ALK: variants seen among roughly 807,000 people sequenced by gnomAD.
ALK encodes the protein ALK receptor tyrosine kinase, also known as ALK tyrosine kinase receptor.
A neutral mutation model predicts 163.1 loss-of-function variants in ALK; 74 were observed. That is an observed-to-expected ratio of 0.45 (90% CI 0.38 to 0.55). The LOEUF is 0.55. Ranked by LOEUF, ALK falls within the 20% of genes least tolerant of loss-of-function variation. The pLI, the probability that ALK is intolerant of heterozygous loss-of-function variation, is 0.00. For synonymous variants in ALK, 960 were observed against 843.2 expected (o/e 1.14, Z -2.40); for missense variants, 2,063 against 2,105.3 (o/e 0.98, Z 0.39).
intron 1 of ALK, among the ~76,000 whole-genome samples, chr2:29,839,071 C>T (rs896585689): frequency 6.6e-6 from 1 of 152,264 alleles, no homozygotes; most frequent in Non-Finnish European, 1.5e-5. Context: ...TAAAGTTACA[C>T]TGATAATTAT....
intron 3 of ALK, among the ~76,000 whole-genome samples, chr2:29,583,035 G>GTTTTTTTTTTTTT (rs10637189): frequency 1.9e-5 from 2 of 108,104 alleles, no homozygotes; most frequent in Admixed American, 8.8e-5. Context: ...GCTAACTTTT[G>GTTTTTTTTTTTTT]TTTTTTGTTT....
Position 29,637,709 on chromosome 2 carries a change from C to CAAAAAAAAAAAAAAAAAAAA in ALK, c.952+57140_952+57141insTTTTTTTTTTTTTTTTTTTT, listed in dbSNP as rs70958274. On this transcript the variant is annotated intron_variant, in intron 3 of 28. Coordinates refer to ENST00000389048, the MANE Select transcript of ALK (RefSeq NM_004304.5). The stretch of plus-strand genomic sequence containing the variant: ...GGGTGACAGAGCAAGACTCCGTCTC[C>CAAAAAAAAAAAAAAAAAAAA]AAAAAAAAAAAAAGAGGACTCTTTG... 1.8e-4 allele frequency among the ~76,000 whole-genome samples: 20 copies of CAAAAAAAAAAAAAAAAAAAA among 112,330 alleles called. 2 individuals carry two copies. Among genetic ancestry groups the CAAAAAAAAAAAAAAAAAAAA allele is most frequent in the African/African-American group, 7.8e-4 (18 of 23,066 alleles). 73.7% of individuals were successfully genotyped at this position (112,330 alleles called of 152,430 possible).
rs200425950 is a variant in ALK at position 29,591,439 on chromosome 2, G to A, written c.953-59323C>T. 2.6e-5 allele frequency among the ~76,000 whole-genome samples: 4 copies of A among 152,224 alleles called. No individual in the cohort carries two copies. In the East Asian group the frequency reaches 7.7e-4, roughly 29 times the overall value. On this transcript the variant is annotated intron_variant, in intron 3 of 28. Transcript: ENST00000389048. ...CAAGGGAAGCACCGAAAGCAAGACAGAGGGCTGGACGTAGGCAAGTGGGCA... is the reference window on the plus strand; with the variant it reads ...CAAGGGAAGCACCGAAAGCAAGACAAAGGGCTGGACGTAGGCAAGTGGGCA...
At chr2:29,621,794 A>G (rs2148229762) in intron 3 of ALK, among the ~76,000 whole-genome samples, 1 of 152,200 alleles carries the variant, frequency 6.6e-6, no homozygotes, top group African/African-American at 2.4e-5. Flanking sequence ...TGAGGGCTGG[A>G]CCTCTTAACC....
chr2:29,675,253 T>C (rs957398287), intron 3 of ALK, among the ~76,000 whole-genome samples: 1 of 152,102 alleles, frequency 6.6e-6, no homozygotes, highest in Non-Finnish European at 1.5e-5. Flanking sequence ...ACATTGCTTT[T>C]GTAATTAAAT....
chr2:29,905,934 G>C (rs1667534941), intron 1 of ALK, among the ~76,000 whole-genome samples: 1 of 152,140 alleles, frequency 6.6e-6, no homozygotes, highest in African/African-American at 2.4e-5. Flanking sequence ...CATGGCCTTG[G>C]ATACATTTGT....
intron 3 of ALK, among the ~76,000 whole-genome samples, chr2:29,649,669 G>A (rs540128557): frequency 2.6e-5 from 4 of 152,242 alleles, no homozygotes; most frequent in Non-Finnish European, 5.9e-5. Flanking sequence ...AGCAGGCTAG[G>A]ACATCTCACT....
intron 8 of ALK, among the ~76,000 whole-genome samples, chr2:29,313,742 A>G (rs1461114787): frequency 2.6e-5 from 4 of 152,106 alleles, no homozygotes; most frequent in African/African-American, 9.7e-5. Flanking sequence ...CTGCTCTGGA[A>G]AACGAGTTGA....
chr2:29,209,643 C>T, intron 25 of ALK, 143 bp downstream of exon 25: 2 of 646,876 alleles, frequency 3.1e-6, no homozygotes, highest in South Asian at 3.7e-5. Flanking sequence ...TTTCCCATAG[C>T]CTGAAAAGGA....
chr2:29,263,288 TAAGA>T (rs911769571), intron 11 of ALK, among the ~76,000 whole-genome samples: 38 of 152,340 alleles, frequency 2.5e-4, no homozygotes, highest in African/African-American at 9.1e-4. Context: ...CACTAGCATC[TAAGA>T]GAGAGGCAAA....
intron 11 of ALK, among the ~76,000 whole-genome samples, chr2:29,268,488 G>A (rs1410284619): frequency 2.0e-5 from 3 of 152,116 alleles, no homozygotes; most frequent in Non-Finnish European, 1.5e-5. Context: ...AGAACACTTT[G>A]GCTCGTTCAC....
intron 1 of ALK, among the ~76,000 whole-genome samples, chr2:29,878,777 T>C (rs1666784556): frequency 6.6e-6 from 1 of 152,016 alleles, no homozygotes; most frequent in African/African-American, 2.4e-5. Context: ...GAGAGCTGGG[T>C]GGGGAGCTGG....
intron 2 of ALK, among the ~76,000 whole-genome samples, chr2:29,713,103 C>T (rs1181229544): frequency 6.6e-6 from 1 of 152,156 alleles, no homozygotes; most frequent in African/African-American, 2.4e-5. Flanking sequence ...CAATGCTGCC[C>T]GCAATCCTTG....
rs929085497 is a variant in ALK, at chr2:29,228,308, C to T, written c.2815+576G>A. Among the ~76,000 whole-genome samples, 14 of 152,348 alleles carry T rather than the reference C, an allele frequency of 9.2e-5. No individual in the cohort carries two copies. In the East Asian group the frequency reaches 1.9e-3, roughly 21 times the overall value. On this transcript the variant is annotated intron_variant, in intron 16 of 28. Coordinates refer to ENST00000389048, the MANE Select transcript of ALK (RefSeq NM_004304.5). ...TAATCTGTGGGGAGCGGGGAGCCAT[C>T]GTCTCCCAGCCTCTCAGCTTCAGAA...
chr2:29,375,410 C>A (rs1450795294), intron 5 of ALK, among the ~76,000 whole-genome samples: 1 of 152,128 alleles, frequency 6.6e-6, no homozygotes, highest in Non-Finnish European at 1.5e-5. Flanking sequence ...GCTCTGCCTC[C>A]CAGGTTCATG....
chr2:29,744,171 G>A (rs1252520477), intron 1 of ALK, among the ~76,000 whole-genome samples: 1 of 152,168 alleles, frequency 6.6e-6, no homozygotes, highest in African/African-American at 2.4e-5. Context: ...CCACACACAG[G>A]AGGAAACTGA....
chr2:29,589,688 G>C (rs1348252908), intron 3 of ALK, among the ~76,000 whole-genome samples: 1 of 152,194 alleles, frequency 6.6e-6, no homozygotes, highest in African/African-American at 2.4e-5. Context: ...ATTGTATAGA[G>C]TTGGGGCCTT....
chr2:29,569,796 G>A (rs76795998), intron 3 of ALK, among the ~76,000 whole-genome samples: 17,504 of 152,180 alleles, frequency 0.12, 1,390 homozygotes, highest in East Asian at 0.33. Flanking sequence ...CTGCTTTCCA[G>A]TTGAAAGTTC....
At chr2:29,397,268 C>T (rs7568934) in intron 4 of ALK, among the ~76,000 whole-genome samples, 7 of 152,088 alleles carry the variant, frequency 4.6e-5, no homozygotes, top group Non-Finnish European at 1.0e-4. Flanking sequence ...GAGACAGATA[C>T]ACACACAGGG....
Sources: gnomAD v4.1 joint callset for allele counts (sites outside exome capture counted in the v4.1 genomes callset) on GRCh38, gnomAD v4.1.1 for gene constraint, MANE v1.5 for transcripts, NCBI Gene and HGNC (gene_info 2026-07-23, HGNC 2026-07-21) for gene names.